The following ANKH variants were observed in gnomAD, a reference collection of about 807,000 sequenced individuals.
ANKH encodes the protein mineralization regulator ANKH.
ANKH carries 15 observed loss-of-function variants against 49.0 expected under a neutral mutation model. That is an observed-to-expected ratio of 0.31 (90% CI 0.20 to 0.47). ANKH has a LOEUF of 0.47. Among genes scored for constraint, ANKH ranks in the 20% least tolerant of loss-of-function variants. ANKH has a pLI of 1.00. For missense variants in ANKH, 429 were observed against 652.0 expected (o/e 0.66, Z 3.72); for synonymous variants, 273 against 260.0 (o/e 1.05, Z -0.48).
At chr5:14,760,576 A>C (rs1470724830) in intron 2 of ANKH, among the ~76,000 whole-genome samples, 1 of 152,182 alleles carries the variant, frequency 6.6e-6, no homozygotes, top group African/African-American at 2.4e-5. Flanking sequence ...CAGTCAACAA[A>C]TGTTCACTGC....
At chr5:14,730,095 A>G (rs1386527876) in intron 8 of ANKH, among the ~76,000 whole-genome samples, 4 of 152,126 alleles carry the variant, frequency 2.6e-5, no homozygotes, top group Admixed American at 6.5e-5. Context: ...AACAGCACGC[A>G]AGGTGGGGAC....
intron 7 of ANKH, among the ~76,000 whole-genome samples, chr5:14,743,218 T>A (rs1738420088): frequency 6.6e-6 from 1 of 152,212 alleles, no homozygotes; most frequent in South Asian, 2.1e-4. Flanking sequence ...GTTGGAGACC[T>A]CCGTCTCCAT....
rs569437872 is a variant in ANKH, at chr5:14,848,794, G to A, written c.96+22558C>T. Reference sequence around the variant, plus strand: ...CACTCACCGCATGGCCCAAGGTTCCGTTCCTTGTAATCCGTGAGGCCAAGA... The same window carrying A: ...CACTCACCGCATGGCCCAAGGTTCCATTCCTTGTAATCCGTGAGGCCAAGA... On this transcript the variant is annotated intron_variant, in intron 1 of 11. Transcript: ENST00000284268. Among the ~76,000 whole-genome samples the A allele has an allele frequency of 4.6e-5, 7 of 152,320 alleles. No individual in the cohort carries two copies. In the South Asian group the frequency reaches 1.2e-3, roughly 27 times the overall value.
intron 1 of ANKH, among the ~76,000 whole-genome samples, chr5:14,789,789 C>T (rs1283462768): frequency 2.0e-5 from 3 of 152,154 alleles, no homozygotes; most frequent in Admixed American, 6.6e-5. Flanking sequence ...CAGCTCACTG[C>T]AACCTCCGAT....
chr5:14,852,281 C>CA (rs1001638658), intron 1 of ANKH, among the ~76,000 whole-genome samples: 32 of 151,092 alleles, frequency 2.1e-4, no homozygotes, highest in African/African-American at 4.1e-4. Flanking sequence ...TCTTGTCTCT[C>CA]AAAAAAAAGA....
chr5:14,712,860 C>T lies in ANKH; in HGVS notation c.1365+14G>A, dbSNP rs375718505. ...GATGCACCCGGGAGGAGGCTCCCGG[C>T]GCGGCTGTCTCACCTGCTTCCGGTA... On this transcript the variant is annotated intron_variant, in intron 11 of 11. Transcript: ENST00000284268. The T allele has an allele frequency of 6.2e-5, 99 of 1,591,304 alleles. No individual in the cohort carries two copies. The highest frequency in any genetic ancestry group is 5.1e-4 in the African/African-American group (38 of 74,708).
chr5:14,739,777 C>T (rs1285929413), intron 8 of ANKH, among the ~76,000 whole-genome samples: 1 of 152,162 alleles, frequency 6.6e-6, no homozygotes, highest in Non-Finnish European at 1.5e-5. Context: ...GAATCATTTC[C>T]TTTTCTGAAA....
intron 1 of ANKH, among the ~76,000 whole-genome samples, chr5:14,846,369 G>A (rs922131948): frequency 3.3e-5 from 5 of 152,152 alleles, no homozygotes; most frequent in Admixed American, 2.0e-4. Context: ...TTATAGAGCA[G>A]TGGGAAAACA....
At chr5:14,855,113 T>G (rs192894456) in intron 1 of ANKH, among the ~76,000 whole-genome samples, 62 of 152,280 alleles carry the variant, frequency 4.1e-4, no homozygotes, top group Admixed American at 3.6e-3. Flanking sequence ...TAAGCATCTT[T>G]CATTCCTCTA....
chr5:14,749,532 AAC>A (rs1298115382), intron 5 of ANKH, among the ~76,000 whole-genome samples: 1 of 152,246 alleles, frequency 6.6e-6, no homozygotes, highest in East Asian at 1.9e-4. Flanking sequence ...GTGAAATTAA[AAC>A]ACACACTGAA....
chr5:14,728,860 A>C (rs996487394), intron 8 of ANKH, among the ~76,000 whole-genome samples: 5 of 152,248 alleles, frequency 3.3e-5, no homozygotes, highest in African/African-American at 7.2e-5. Flanking sequence ...GCTGCAAATA[A>C]TGGTGTGCAA....
intron 1 of ANKH, chr5:14,798,466 C>A: frequency 3.0e-6 from 4 of 1,315,372 alleles, no homozygotes; most frequent in Non-Finnish European, 4.2e-6. Flanking sequence ...AGGCTGCAGG[C>A]GTTCGCTCTG....
intron 1 of ANKH, chr5:14,798,521 T>C (rs1381109479): frequency 4.0e-6 from 3 of 753,798 alleles, no homozygotes; most frequent in Non-Finnish European, 4.2e-6. Context: ...AATTGAAGGT[T>C]TGTGGCAACC....
chr5:14,722,935 T>G (rs1162324608), intron 8 of ANKH, among the ~76,000 whole-genome samples: 2 of 152,012 alleles, frequency 1.3e-5, no homozygotes, highest in African/African-American at 4.8e-5. Flanking sequence ...AGTGGCACTT[T>G]GTCTCTGTGG....
At chr5:14,767,856 ATACAAG>A (rs1213713501) in intron 2 of ANKH, among the ~76,000 whole-genome samples, 1 of 152,212 alleles carries the variant, frequency 6.6e-6, no homozygotes, top group Non-Finnish European at 1.5e-5. Context: ...TTTACTTCAA[ATACAAG>A]TACATGTGCA....
At chr5:14,786,643 A>G (rs570267658) in intron 1 of ANKH, among the ~76,000 whole-genome samples, 1 of 152,352 alleles carries the variant, frequency 6.6e-6, no homozygotes, top group South Asian at 2.1e-4. Context: ...ATGGTTGTCA[A>G]ATTTTAAAAA....
chr5:14,730,258 C>T (rs750129067), intron 8 of ANKH, among the ~76,000 whole-genome samples: 105 of 152,204 alleles, frequency 6.9e-4, no homozygotes, highest in Middle Eastern at 6.8e-3. Context: ...ACAGCCTTGC[C>T]GGAGGGGATG....
chr5:14,802,089 C>T (rs1010336906), intron 1 of ANKH, among the ~76,000 whole-genome samples: 1 of 152,152 alleles, frequency 6.6e-6, no homozygotes, highest in Admixed American at 6.5e-5. Context: ...AATGTTCCTA[C>T]CTGAGACTTC....
chr5:14,793,068 T>TATATAAAATATATATA (rs199717342), intron 1 of ANKH, among the ~76,000 whole-genome samples: 57 of 91,766 alleles, frequency 6.2e-4, no homozygotes, highest in African/African-American at 2.6e-3. Flanking sequence ...AAAATATATA[T>TATATAAAATATATATA]AAATATATAA....
Sources: gnomAD v4.1 joint callset for allele counts (sites outside exome capture counted in the v4.1 genomes callset) on GRCh38, gnomAD v4.1.1 for gene constraint, MANE v1.5 for transcripts, NCBI Gene and HGNC (gene_info 2026-07-23, HGNC 2026-07-21) for gene names.